Variants in ZBED6 observed in about 807,000 individuals in gnomAD.
ZBED6 encodes the protein zinc finger BED-type containing 6, also known as zinc finger BED domain-containing protein 6.
ZBED6 carries 40 observed loss-of-function variants against 58.4 expected under a neutral mutation model. The ratio of observed to expected loss-of-function variants is 0.68; its 90% CI spans 0.53 to 0.89. The LOEUF is 0.89. ZBED6 is among the 40% of genes least tolerant of loss of function. ZBED6 has a pLI of 0.00. For synonymous variants in ZBED6, 439 were observed against 350.6 expected (o/e 1.25, Z -2.82); for missense variants, 1,057 against 1,003.9 (o/e 1.05, Z -0.71).
chr1:203,852,491 T>G lies in ZBED6; in HGVS notation c.*5224T>G, dbSNP rs530192881. The G allele has an allele frequency of 4.3e-5, 61 of 1,430,326 alleles. 1 individual carries two copies. In the South Asian group the frequency reaches 7.9e-4, roughly 18 times the overall value. 88.6% of individuals were successfully genotyped at this position (1,430,326 alleles called of 1,614,324 possible). A position where few individuals can be genotyped will look rare whatever the true frequency, so the allele number is the denominator to read the frequency against. ...ACATTTACCTGAGATGATCATTTCTTTAGTCTAGAATTTGCCCCAAATCAG... is the reference window on the plus strand; with the variant it reads ...ACATTTACCTGAGATGATCATTTCTGTAGTCTAGAATTTGCCCCAAATCAG... On this transcript the variant is annotated 3_prime_UTR_variant, in exon 17 of 17. Coordinates refer to ENST00000550078, the Ensembl canonical transcript of ZBED6.
chr1:203,797,253 T>G, exon 1 of ZBED6: 1 of 240,436 alleles, frequency 4.2e-6, no homozygotes, highest in Non-Finnish European at 8.0e-6. Flanking sequence ...CTTACTTCTG[T>G]AACATGAGGA....
exon 1 of ZBED6, chr1:203,798,458 C>T (rs1483410256): frequency 2.0e-6 from 3 of 1,536,068 alleles, no homozygotes; most frequent in East Asian, 2.4e-5. Context: ...ACCTGCAAGC[C>T]ACACATCCTA....
At chr1:203,825,244 G>A (rs1196135017) in intron 3 of ZBED6, among the ~76,000 whole-genome samples, 1 of 152,030 alleles carries the variant, frequency 6.6e-6, no homozygotes, top group Admixed American at 6.6e-5. Context: ...AGGCCCACAG[G>A]AACCCAACTC....
chr1:203,832,922 C>G (rs923194736), intron 8 of ZBED6, among the ~76,000 whole-genome samples: 3 of 152,128 alleles, frequency 2.0e-5, no homozygotes, highest in Non-Finnish European at 4.4e-5. Flanking sequence ...GTCTTATACT[C>G]GACTGCTATT....
intron 1 of ZBED6, chr1:203,805,597 A>G (rs1289942990): frequency 3.2e-6 from 2 of 633,996 alleles, no homozygotes; most frequent in Non-Finnish European, 3.1e-6. Flanking sequence ...TATGTTTTAC[A>G]TGATGTACTT....
exon 1 of ZBED6, chr1:203,798,258 A>C: frequency 6.5e-7 from 1 of 1,536,156 alleles, no homozygotes; most frequent in Non-Finnish European, 8.7e-7. Context: ...AGAAAGAGGG[A>C]GATTTCTCAT....
At chr1:203,799,829 G>C (rs1669971849) in exon 1 of ZBED6, 1 of 1,496,894 alleles carries the variant, frequency 6.7e-7, no homozygotes, top group Non-Finnish European at 9.0e-7. Context: ...TGGCTACTTT[G>C]TTAGATCCTT....
intron 1 of ZBED6, among the ~76,000 whole-genome samples, chr1:203,812,677 G>A (rs1674923936): frequency 6.8e-6 from 1 of 148,052 alleles, no homozygotes; most frequent in African/African-American, 2.5e-5. Context: ...TGCCTCCTAG[G>A]TTCAAACGAT....
exon 17 of ZBED6, chr1:203,854,063 T>C (rs940007512): frequency 1.3e-5 from 2 of 152,670 alleles, no homozygotes; most frequent in Non-Finnish European, 2.9e-5. Flanking sequence ...ATTTGAACCA[T>C]TTGCCCTTAC....
intron 11 of ZBED6, among the ~76,000 whole-genome samples, chr1:203,841,840 A>G (rs1363897381): frequency 4.8e-5 from 7 of 145,322 alleles, no homozygotes; most frequent in Non-Finnish European, 9.3e-5. Flanking sequence ...CTCACTTCGC[A>G]GACGGGGCGG....
chr1:203,844,409 T>C (rs1687325899), intron 11 of ZBED6, among the ~76,000 whole-genome samples: 1 of 152,220 alleles, frequency 6.6e-6, no homozygotes, highest in Non-Finnish European at 1.5e-5. Flanking sequence ...CCTCAAGTGA[T>C]CTGCCTGCCT....
intron 1 of ZBED6, chr1:203,806,042 G>C (rs1050746101): frequency 1.9e-6 from 1 of 533,370 alleles, no homozygotes. Flanking sequence ...TCCTGCTGCT[G>C]CTCATACATC....
chr1:203,808,782 G>A (rs999684350), intron 1 of ZBED6, among the ~76,000 whole-genome samples: 4 of 151,934 alleles, frequency 2.6e-5, no homozygotes, highest in African/African-American at 7.2e-5. Flanking sequence ...CATCTTCGTC[G>A]TCGTCATCGC....
intron 8 of ZBED6, among the ~76,000 whole-genome samples, chr1:203,833,348 G>C (rs1683044470): frequency 7.4e-6 from 1 of 134,496 alleles, no homozygotes; most frequent in Non-Finnish European, 1.6e-5. Context: ...CTGGGCGACA[G>C]AGTGAGACTC....
At chr1:203,845,789 A>C (rs954735772) in intron 11 of ZBED6, among the ~76,000 whole-genome samples, 5 of 152,098 alleles carry the variant, frequency 3.3e-5, no homozygotes. Context: ...ACTTGAACCC[A>C]GGAGATGTAG....
intron 1 of ZBED6, chr1:203,805,870 A>G (rs1294631853): frequency 9.4e-6 from 8 of 848,716 alleles, no homozygotes; most frequent in Non-Finnish European, 1.4e-5. Context: ...CATGTCCACT[A>G]GCTGGTCTTG....
intron 1 of ZBED6, chr1:203,805,719 T>C (rs906002334): frequency 1.2e-5 from 8 of 662,736 alleles, no homozygotes; most frequent in Non-Finnish European, 2.3e-5. Context: ...GTGCAGATGC[T>C]GGCTCATCTA....
exon 7 of ZBED6, chr1:203,830,145 A>T: frequency 6.3e-7 from 1 of 1,597,376 alleles, no homozygotes; most frequent in African/African-American, 1.4e-5. Context: ...ATTTTGGAAT[A>T]AAAACTCTTG....
chr1:203,832,332 A>T (rs1400682516), intron 8 of ZBED6, among the ~76,000 whole-genome samples: 4 of 150,808 alleles, frequency 2.7e-5, no homozygotes, highest in Admixed American at 2.0e-4. Flanking sequence ...AAGTGCTGGG[A>T]TTACAGGTGT....
Sources: gnomAD v4.1 joint callset for allele counts (sites outside exome capture counted in the v4.1 genomes callset) on GRCh38, gnomAD v4.1.1 for gene constraint, MANE v1.5 for transcripts, NCBI Gene and HGNC (gene_info 2026-07-23, HGNC 2026-07-21) for gene names.